The following RCL1 variants were observed in gnomAD, a reference collection of about 807,000 sequenced individuals.
RCL1 encodes RNA terminal phosphate cyclase like 1.
Under a neutral mutation model 42.4 loss-of-function variants are expected in RCL1, and 24 were observed. That is an observed-to-expected ratio of 0.57 (90% CI 0.41 to 0.80). The LOEUF (loss-of-function observed/expected upper bound fraction) is 0.80. Among genes scored for constraint, RCL1 ranks in the 30% least tolerant of loss-of-function variants. The probability of loss-of-function intolerance (pLI) is 0.00; values close to 1 mark genes in which losing one functional copy is unlikely to be tolerated. For synonymous variants in RCL1, 228 were observed against 177.3 expected (o/e 1.29, Z -2.27); for missense variants, 578 against 467.9 (o/e 1.24, Z -2.17).
chr9:4,857,643 G>A lies in RCL1; in HGVS notation c.972-2482G>A, dbSNP rs139895980. Among the ~76,000 whole-genome samples, 27 of 152,244 alleles carry A rather than the reference G, an allele frequency of 1.8e-4. No individual in the cohort carries two copies. The East Asian group carries it at 3.9e-3, about 22-fold the overall frequency. ...ACATATTCCTAAGAGTAGAATTACCGTATCCTATGGTAACTCCCCGGTTAA... is the reference window on the plus strand; with the variant it reads ...ACATATTCCTAAGAGTAGAATTACCATATCCTATGGTAACTCCCCGGTTAA... On this transcript the variant is annotated intron_variant, in intron 8 of 8. Coordinates refer to ENST00000381750, the MANE Select transcript of RCL1 (RefSeq NM_005772.5).
chr9:4,811,260 G>T (rs188467120), intron 1 of RCL1, among the ~76,000 whole-genome samples: 2 of 146,168 alleles, frequency 1.4e-5, no homozygotes, highest in African/African-American at 5.1e-5. Context: ...GGGCAATAGA[G>T]CAAAACCCTG....
chr9:4,852,627 T>G (rs993239684), intron 8 of RCL1, among the ~76,000 whole-genome samples: 1 of 152,144 alleles, frequency 6.6e-6, no homozygotes. Context: ...GTCCTGGACT[T>G]GTGGAGATGG....
intron 3 of RCL1, among the ~76,000 whole-genome samples, chr9:4,832,623 C>A (rs1037975167): frequency 6.6e-6 from 1 of 152,024 alleles, no homozygotes; most frequent in East Asian, 1.9e-4. Context: ...TCCTGGCCAA[C>A]ATGGTGAAAC....
Position 4,798,874 on chromosome 9 carries a change from T to A in RCL1, c.136+5647T>A, listed in dbSNP as rs1563825602. Among the ~76,000 whole-genome samples the A allele has an allele frequency of 8.5e-5, 9 of 106,372 alleles. No homozygotes were observed. The South Asian group carries it at 1.1e-3, about 13-fold the overall frequency. The allele number at this position is 106,372 out of a possible 152,430, so 69.8% of individuals were successfully genotyped here. A position where few individuals can be genotyped will look rare whatever the true frequency, so the allele number is the denominator to read the frequency against. ...ATTTTTGGCTGCCCAAAATAAGACT[T>A]CTTCTTTTTTTTTTTTTTTTTTTAA... is the stretch of plus-strand genomic sequence containing the variant. On this transcript the variant is annotated intron_variant, in intron 1 of 8. Transcript: ENST00000381750.
intron 1 of RCL1, among the ~76,000 whole-genome samples, chr9:4,796,012 T>C (rs1842907913): frequency 6.6e-6 from 1 of 152,212 alleles, no homozygotes; most frequent in African/African-American, 2.4e-5. Context: ...GCAGGTTTTC[T>C]GGACCTGATC....
chr9:4,827,269 G>T, intron 3 of RCL1: 1 of 1,423,742 alleles, frequency 7.0e-7, no homozygotes, highest in Non-Finnish European at 9.3e-7. Flanking sequence ...TGTTACCTAA[G>T]AACCTTCAAA....
chr9:4,848,845 A>G (rs535391856), intron 7 of RCL1, among the ~76,000 whole-genome samples: 2 of 152,320 alleles, frequency 1.3e-5, no homozygotes, highest in East Asian at 3.9e-4. Context: ...ATACATAAGT[A>G]GTAAGAATAA....
chr9:4,846,549 T>C (rs766536099), intron 7 of RCL1, among the ~76,000 whole-genome samples: 2 of 145,990 alleles, frequency 1.4e-5, no homozygotes, highest in African/African-American at 2.6e-5. Context: ...TTCACGAAGT[T>C]TGTGGTCTAC....
intron 6 of RCL1, among the ~76,000 whole-genome samples, chr9:4,842,098 T>C (rs934368246): frequency 6.6e-6 from 1 of 152,260 alleles, no homozygotes; most frequent in African/African-American, 2.4e-5. Flanking sequence ...TTGCCAAATT[T>C]GCTTCACTTG....
Position 4,793,067 on chromosome 9 carries a change from T to C in RCL1, c.-25T>C. On this transcript the variant is annotated 5_prime_UTR_variant, in exon 1 of 9. Transcript: ENST00000381750. ...TCCGAAGTCGCCGCTCTCGGGCTGC[T>C]CACGTCTCTTCGGAGAGCGCGCACA... 1.2e-6 allele frequency: 2 copies of C among 1,603,282 alleles called. No individual in the cohort carries two copies. The highest frequency in any genetic ancestry group is 1.4e-5 in the African/African-American group (1 of 74,062).
In RCL1 at chr9:4,857,931, C is replaced by CTTTTTTTTTTTTTTTTT. The variant is rs34470773; in HGVS notation, c.972-2191_972-2175dup. Among the ~76,000 whole-genome samples, 4 of 103,046 alleles carry CTTTTTTTTTTTTTTTTT rather than the reference C, an allele frequency of 3.9e-5. 1 individual carries two copies. Among genetic ancestry groups the CTTTTTTTTTTTTTTTTT allele is most frequent in the Non-Finnish European group, 3.6e-5 (2 of 54,996 alleles). The allele number at this position is 103,046 out of a possible 152,430, so 67.6% of individuals were successfully genotyped here. ...AGGAAATATCCGTTTAGCTCTCCCA[C>CTTTTTTTTTTTTTTTTT]TTTTTTTTTTTTTTTTTTTCAGTGA... On this transcript the variant is annotated intron_variant, in intron 8 of 8. Coordinates refer to ENST00000381750, the MANE Select transcript of RCL1 (RefSeq NM_005772.5).
Position 4,849,522 on chromosome 9 carries a change from G to T in RCL1, c.943G>T (p.Val315Phe). The part of the protein sequence containing the change: ...MTLGQQDVSK[V>F]LLGPLSPYTI... ...CCTTGGACAGCAGGATGTTTCCAAA[G>T]TCCTGCTAGGCCCTCTCTCTCCCTA... Residue 315 changes from valine (V) to phenylalanine (F), a missense_variant, in exon 8 of 9, where the codon GTC becomes TTC. Val to Phe is a conservative substitution (Grantham distance 50). Coordinates refer to ENST00000381750, the MANE Select transcript of RCL1 (RefSeq NM_005772.5). 6.2e-7 allele frequency: 1 copy of T among 1,613,366 alleles called. No homozygotes were observed. The highest frequency in any genetic ancestry group is 8.5e-7 in the Non-Finnish European group (1 of 1,179,600).
chr9:4,802,541 T>A (rs926671857), intron 1 of RCL1, among the ~76,000 whole-genome samples: 1 of 152,206 alleles, frequency 6.6e-6, no homozygotes, highest in African/African-American at 2.4e-5. Context: ...TATTATAGGT[T>A]TATTTAAAAC....
chr9:4,811,049 C>G (rs879584020), intron 1 of RCL1, among the ~76,000 whole-genome samples: 10 of 152,016 alleles, frequency 6.6e-5, no homozygotes, highest in Admixed American at 6.6e-4. Context: ...TGAAAACATT[C>G]AAAATCTGTT....
chr9:4,831,072 G>T (rs903763826), intron 3 of RCL1, among the ~76,000 whole-genome samples: 1 of 152,154 alleles, frequency 6.6e-6, no homozygotes, highest in Non-Finnish European at 1.5e-5. Context: ...ACAGGGAATT[G>T]TCTAGGGTCT....
intron 1 of RCL1, among the ~76,000 whole-genome samples, chr9:4,815,453 C>CT (rs71326139): frequency 5.2e-4 from 74 of 141,368 alleles, no homozygotes; most frequent in Admixed American, 1.1e-3. Context: ...TTTTTCTTTT[C>CT]TTTTTTTTTT....
Position 4,824,423 on chromosome 9 carries a change from C to G in RCL1, c.208+804C>G, listed in dbSNP as rs192293150. Among the ~76,000 whole-genome samples, 3 of 134,876 alleles carry G rather than the reference C, an allele frequency of 2.2e-5. No individual in the cohort carries two copies. The East Asian group carries it at 6.4e-4, about 29-fold the overall frequency. The allele number at this position is 134,876 out of a possible 152,430, so 88.5% of individuals were successfully genotyped here. On this transcript the variant is annotated intron_variant, in intron 2 of 8. Transcript: ENST00000381750. Reference sequence around the variant, plus strand: ...TAGTACAAATGTCTCAGAGAACTTTCCCTTCCAGCACATGCAGGTCTTCCT... The same window carrying G: ...TAGTACAAATGTCTCAGAGAACTTTGCCTTCCAGCACATGCAGGTCTTCCT...
chr9:4,793,332 G>A, intron 1 of RCL1, 105 bp downstream of exon 1: 1 of 1,306,902 alleles, frequency 7.7e-7, no homozygotes, highest in Non-Finnish European at 1.0e-6. Context: ...TCGGCGTCCG[G>A]CGAGCGCGTC....
chr9:4,837,645 G>A (rs916792514), intron 5 of RCL1, among the ~76,000 whole-genome samples: 62 of 152,252 alleles, frequency 4.1e-4, no homozygotes, highest in African/African-American at 1.3e-3. Context: ...GCAGATGGTC[G>A]TGTCCTTTGA....
Sources: allele counts gnomAD v4.1 joint callset (sites outside exome capture counted in the v4.1 genomes callset), GRCh38; gene constraint gnomAD v4.1.1; transcripts MANE v1.5; gene names NCBI Gene and HGNC (gene_info 2026-07-23, HGNC 2026-07-21).